CACNA2D3: variants seen among roughly 807,000 people sequenced by gnomAD.
CACNA2D3 encodes the protein calcium voltage-gated channel auxiliary subunit alpha2delta 3.
A neutral mutation model predicts 160.6 loss-of-function variants in CACNA2D3; 60 were observed. The observed-to-expected ratio is 0.37, with a 90% CI of 0.30 to 0.46. CACNA2D3 has a LOEUF of 0.46. Among genes scored for constraint, CACNA2D3 ranks in the 20% least tolerant of loss-of-function variants. The pLI is 1.00. For missense variants in CACNA2D3, 1,205 were observed against 1,365.0 expected (o/e 0.88, Z 1.85); for synonymous variants, 558 against 492.9 (o/e 1.13, Z -1.75).
At chr3:54,258,045 G>A (rs1183852957) in intron 2 of CACNA2D3, among the ~76,000 whole-genome samples, 3 of 152,178 alleles carry the variant, frequency 2.0e-5, no homozygotes, top group Non-Finnish European at 4.4e-5. Context: ...AGCTGGTGCT[G>A]GAAGATAAAA....
At chr3:54,183,551 T>C (rs1022880251) in intron 2 of CACNA2D3, among the ~76,000 whole-genome samples, 2 of 152,056 alleles carry the variant, frequency 1.3e-5, no homozygotes, top group Non-Finnish European at 2.9e-5. Context: ...AATCTGTGTA[T>C]TGTGTTCTCT....
intron 11 of CACNA2D3, among the ~76,000 whole-genome samples, chr3:54,722,960 C>G (rs1701198458): frequency 6.6e-6 from 1 of 152,212 alleles, no homozygotes; most frequent in Non-Finnish European, 1.5e-5. Flanking sequence ...AGCCATCAGG[C>G]AGGGACACTA....
chr3:54,612,195 T>A (rs1271343407), intron 9 of CACNA2D3, among the ~76,000 whole-genome samples: 1 of 152,148 alleles, frequency 6.6e-6, no homozygotes, highest in Non-Finnish European at 1.5e-5. Flanking sequence ...TAAGGTGGGT[T>A]CCATAAAGCA....
intron 15 of CACNA2D3, among the ~76,000 whole-genome samples, chr3:54,837,881 T>A (rs1327293149): frequency 6.6e-6 from 1 of 152,206 alleles, no homozygotes; most frequent in Non-Finnish European, 1.5e-5. Flanking sequence ...CTCAAGATCC[T>A]TAACAATTAC....
intron 2 of CACNA2D3, among the ~76,000 whole-genome samples, chr3:54,221,959 C>T (rs967493600): frequency 6.6e-6 from 1 of 152,118 alleles, no homozygotes; most frequent in Non-Finnish European, 1.5e-5. Context: ...AGTGATCCTC[C>T]TGCCTCAGCC....
chr3:54,952,373 G>T (rs1250717839), intron 27 of CACNA2D3, among the ~76,000 whole-genome samples: 1 of 152,120 alleles, frequency 6.6e-6, no homozygotes, highest in Non-Finnish European at 1.5e-5. Flanking sequence ...GAGGGAGGCC[G>T]CAAACATGAA....
chr3:54,771,414 A>C (rs1294385627), intron 13 of CACNA2D3, among the ~76,000 whole-genome samples: 1 of 152,204 alleles, frequency 6.6e-6, no homozygotes, highest in Non-Finnish European at 1.5e-5. Flanking sequence ...CAAGGCTACA[A>C]GGAAGCGTTG....
At position 55,033,825 on chromosome 3, in the gene CACNA2D3, A is replaced by AT. The variant is rs1703746377; in HGVS notation, c.2987+15511dup. ...ATAATATGTATTATATATTAAATAT[A>AT]TTTAATATATAATATATATTACATA... is the stretch of plus-strand genomic sequence containing the variant. On this transcript the variant is annotated intron_variant, in intron 35 of 37. Transcript: ENST00000474759. Among the ~76,000 whole-genome samples the AT allele has an allele frequency of 4.7e-5, 4 of 85,930 alleles. 1 individual carries two copies. Among genetic ancestry groups the AT allele is most frequent in the African/African-American group, 1.5e-4 (4 of 26,006 alleles). 56.4% of individuals were successfully genotyped at this position (85,930 alleles called of 152,430 possible).
At chr3:54,810,216 C>T (rs1703266788) in intron 13 of CACNA2D3, among the ~76,000 whole-genome samples, 1 of 152,146 alleles carries the variant, frequency 6.6e-6, no homozygotes, top group Non-Finnish European at 1.5e-5. Context: ...AAGTACCAGG[C>T]TTATACTTTC....
chr3:54,831,941 C>T (rs894795468), intron 14 of CACNA2D3, among the ~76,000 whole-genome samples: 1 of 151,752 alleles, frequency 6.6e-6, no homozygotes, highest in African/African-American at 2.4e-5. Flanking sequence ...TGAAGGCATT[C>T]AGGGACAGGT....
At chr3:54,470,878 T>C (rs1700717783) in intron 4 of CACNA2D3, among the ~76,000 whole-genome samples, 1 of 152,188 alleles carries the variant, frequency 6.6e-6, no homozygotes, top group African/African-American at 2.4e-5. Context: ...CCTAAATATA[T>C]ATGCACCCAA....
At chr3:54,571,612 AGTGT>A (rs58652360) in intron 8 of CACNA2D3, among the ~76,000 whole-genome samples, 25,070 of 135,970 alleles carry the variant, frequency 0.18, 2,284 homozygotes, top group Admixed American at 0.23. Flanking sequence ...CACTTAACCA[AGTGT>A]GTGTGTGTGT....
Position 55,052,149 on chromosome 3 carries a change from C to T in CACNA2D3, c.2988-21296C>T, listed in dbSNP as rs576519042. Among the ~76,000 whole-genome samples, 25 of 152,208 alleles carry T rather than the reference C, an allele frequency of 1.6e-4. 1 individual carries two copies. In the South Asian group the frequency reaches 5.2e-3, roughly 32 times the overall value. On this transcript the variant is annotated intron_variant, in intron 35 of 37. Coordinates refer to ENST00000474759, the MANE Select transcript of CACNA2D3 (RefSeq NM_018398.3). ...CTCCCCTCACACTTTTCATTAAATT[C>T]AAAATATTTTCTCATTTTCCTTATG...
intron 27 of CACNA2D3, among the ~76,000 whole-genome samples, chr3:54,914,778 C>T (rs1288296876): frequency 6.6e-6 from 1 of 152,056 alleles, no homozygotes; most frequent in Non-Finnish European, 1.5e-5. Flanking sequence ...CCCAGCAATG[C>T]CATGTGGAGT....
chr3:54,476,462 G>GT (rs1383774911), intron 4 of CACNA2D3, among the ~76,000 whole-genome samples: 3 of 151,780 alleles, frequency 2.0e-5, no homozygotes, highest in East Asian at 3.9e-4. Flanking sequence ...TTCTAGTTCT[G>GT]TTTTTTTGAG....
chr3:54,219,456 G>A (rs1181609066), intron 2 of CACNA2D3, among the ~76,000 whole-genome samples: 4 of 152,126 alleles, frequency 2.6e-5, no homozygotes, highest in Non-Finnish European at 4.4e-5. Context: ...GATGAATGTG[G>A]ATGTTTAGAA....
intron 11 of CACNA2D3, among the ~76,000 whole-genome samples, chr3:54,694,716 T>C (rs2106938091): frequency 6.6e-6 from 1 of 152,308 alleles, no homozygotes; most frequent in Admixed American, 6.5e-5. Context: ...TGTATTTGGG[T>C]TCCTTCCCTG....
At chr3:54,196,803 G>T (rs753240926) in intron 2 of CACNA2D3, among the ~76,000 whole-genome samples, 13 of 152,186 alleles carry the variant, frequency 8.5e-5, no homozygotes, top group Non-Finnish European at 1.9e-4. Flanking sequence ...GGAATTTACT[G>T]AATTCCAAAT....
intron 2 of CACNA2D3, among the ~76,000 whole-genome samples, chr3:54,143,714 T>C (rs1242947861): frequency 2.0e-5 from 3 of 151,352 alleles, no homozygotes; most frequent in Non-Finnish European, 2.9e-5. Context: ...TTAGACAGGA[T>C]GGTCTCGATG....
Sources: gnomAD v4.1 joint callset for allele counts (sites outside exome capture counted in the v4.1 genomes callset) on GRCh38, gnomAD v4.1.1 for gene constraint, MANE v1.5 for transcripts, NCBI Gene and HGNC (gene_info 2026-07-23, HGNC 2026-07-21) for gene names.